EEF2K: variants seen among roughly 807,000 people sequenced by gnomAD.
EEF2K encodes the protein alternative protein EEF2K.
In EEF2K, 70 loss-of-function variants were observed where a neutral mutation model predicts 93.8. The ratio of observed to expected loss-of-function variants is 0.75; its 90% CI spans 0.62 to 0.91. The LOEUF is 0.91. Ranked by LOEUF, EEF2K falls within the 40% of genes least tolerant of loss-of-function variation. The pLI, the probability that EEF2K is intolerant of heterozygous loss-of-function variation, is 0.00. For missense variants in EEF2K, 935 were observed against 972.9 expected (o/e 0.96, Z 0.52); for synonymous variants, 376 against 380.8 (o/e 0.99, Z 0.15).
intron 2 of EEF2K, among the ~76,000 whole-genome samples, chr16:22,226,546 C>T (rs1444928851): frequency 3.7e-5 from 3 of 80,658 alleles, no homozygotes; most frequent in East Asian, 4.9e-4. Flanking sequence ...AACGTGGTCT[C>T]GCTTTGTTGC....
chr16:22,258,308 T>C (rs2047427747), intron 9 of EEF2K, among the ~76,000 whole-genome samples, 186 bp from the exon 10 acceptor site: 1 of 152,104 alleles, frequency 6.6e-6, no homozygotes, highest in Admixed American at 6.6e-5. Context: ...AGATGCCCTT[T>C]CTTGGAGGCC....
chr16:22,260,747 C>T (rs2047454932), intron 11 of EEF2K, among the ~76,000 whole-genome samples: 1 of 152,170 alleles, frequency 6.6e-6, no homozygotes, highest in Non-Finnish European at 1.5e-5. Flanking sequence ...CTTGCAGTTC[C>T]CAGAGATGGT....
intron 1 of EEF2K, among the ~76,000 whole-genome samples, chr16:22,212,387 G>A (rs552902242): frequency 4.0e-5 from 6 of 151,436 alleles, no homozygotes; most frequent in Admixed American, 6.6e-5. Context: ...GCAGTGGCAC[G>A]ATCTTGGCTC....
chr16:22,237,624 AAAAAG>A (rs1372860538), intron 2 of EEF2K, among the ~76,000 whole-genome samples: 8 of 151,888 alleles, frequency 5.3e-5, no homozygotes, highest in Middle Eastern at 3.4e-3. Flanking sequence ...TCTCAAAAAA[AAAAAG>A]AAAAGAAGAA....
At chr16:22,239,295 G>T (rs1313973408) in intron 2 of EEF2K, among the ~76,000 whole-genome samples, 1 of 152,128 alleles carries the variant, frequency 6.6e-6, no homozygotes, top group East Asian at 1.9e-4. Context: ...CACTGAATGG[G>T]GACGGTCCCT....
chr16:22,266,420 T>A lies in EEF2K; in HGVS notation c.1471T>A (p.Ser491Thr). The A allele has an allele frequency of 6.2e-7, 1 of 1,613,948 alleles. No individual in the cohort carries two copies. Among genetic ancestry groups the A allele is most frequent in the Non-Finnish European group, 8.5e-7 (1 of 1,179,962 alleles). The change falls in exon 14 of 18, where the codon TCC becomes ACC. Residue 491 changes from serine (S) to threonine (T), a missense_variant. By Grantham distance (58) the Ser-to-Thr change is moderately conservative. Coordinates refer to ENST00000263026, the MANE Select transcript of EEF2K (RefSeq NM_013302.5). ...TGTAGAGAAGTGGAATCTCCTCAAC[T>A]CCTCCCGCCTCCACCTGCCGAGGGC... Reference protein sequence around the residue: ...VCVEKWNLLNSSRLHLPRASA... With the variant: ...VCVEKWNLLNTSRLHLPRASA...
chr16:22,263,083 G>T, intron 11 of EEF2K, 27 bp from the exon 12 acceptor site: 1 of 1,606,022 alleles, frequency 6.2e-7, no homozygotes, highest in South Asian at 1.1e-5. Context: ...GGACCACCAG[G>T]ACCCTAAGGC....
In EEF2K at chr16:22,276,362, ATATT is replaced by A. The variant is rs1374268816; in HGVS notation, c.1889+2619_1889+2622del. On this transcript the variant is annotated intron_variant, in intron 16 of 17. Transcript: ENST00000263026. ...GGGTTTGGGGACACACTGGTTTTTA[ATATT>A]TATTTAGTTAAAATCTATCAAAAGT... is the stretch of plus-strand genomic sequence containing the variant. Among the ~76,000 whole-genome samples, 3 of 152,244 alleles carry A rather than the reference ATATT, an allele frequency of 2.0e-5. No homozygotes were observed. In the East Asian group the frequency reaches 5.8e-4, roughly 29 times the overall value.
chr16:22,245,007 A>G (rs2047272849), intron 3 of EEF2K, among the ~76,000 whole-genome samples: 1 of 152,062 alleles, frequency 6.6e-6, no homozygotes, highest in Non-Finnish European at 1.5e-5. Context: ...CTCACCTGTA[A>G]TCCCAGCACT....
At chr16:22,218,398 G>A (rs1474020244) in intron 1 of EEF2K, among the ~76,000 whole-genome samples, 2 of 152,290 alleles carry the variant, frequency 1.3e-5, no homozygotes, top group East Asian at 1.9e-4. Flanking sequence ...CAGGAGTGGC[G>A]GTGGGAAGAT....
At chr16:22,261,800 T>A (rs537321126) in intron 11 of EEF2K, among the ~76,000 whole-genome samples, 1 of 150,030 alleles carries the variant, frequency 6.7e-6, no homozygotes, top group Non-Finnish European at 1.5e-5. Flanking sequence ...AGGCCAGGAG[T>A]TTAAGACCAG....
chr16:22,257,789 C>T lies in EEF2K; in HGVS notation c.1029+19C>T, dbSNP rs2047421954. The T allele has an allele frequency of 6.2e-7, 1 of 1,610,866 alleles. No individual in the cohort carries two copies. The highest frequency in any genetic ancestry group is 8.5e-7 in the Non-Finnish European group (1 of 1,178,740). On this transcript the variant is annotated intron_variant, in intron 9 of 17. Transcript: ENST00000263026. ...GCTGCTGGTGGGTGCCCAGTGTGAC[C>T]CTGCTTGGCCTGGCAGGCCCTTCTG...
intron 1 of EEF2K, among the ~76,000 whole-genome samples, chr16:22,208,964 C>T (rs1171639020): frequency 2.6e-5 from 4 of 152,092 alleles, no homozygotes. Flanking sequence ...TCACTCTTTC[C>T]TTATTTGTTG....
chr16:22,258,407 T>C, intron 9 of EEF2K, 87 bp from the exon 10 acceptor site: 1 of 1,383,886 alleles, frequency 7.2e-7, no homozygotes, highest in African/African-American at 1.4e-5. Context: ...GATGAAGGGG[T>C]TTCAGGGTTA....
At chr16:22,223,836 A>T (rs1452587169) in intron 1 of EEF2K, among the ~76,000 whole-genome samples, 1 of 152,056 alleles carries the variant, frequency 6.6e-6, no homozygotes, top group African/African-American at 2.4e-5. Flanking sequence ...GAAATACTGT[A>T]ATCTGTATAA....
chr16:22,216,647 A>G (rs1291159399), intron 1 of EEF2K, among the ~76,000 whole-genome samples: 1 of 151,982 alleles, frequency 6.6e-6, no homozygotes, highest in Non-Finnish European at 1.5e-5. Flanking sequence ...TAATCTCAAC[A>G]TTTTGGGAGG....
chr16:22,265,811 G>A (rs1315830507), intron 13 of EEF2K, among the ~76,000 whole-genome samples: 1 of 152,212 alleles, frequency 6.6e-6, no homozygotes, highest in Non-Finnish European at 1.5e-5. Flanking sequence ...ATTTCCTACA[G>A]CAACCTGCTG....
chr16:22,267,674 G>A lies in EEF2K; in HGVS notation c.1764+798G>A, dbSNP rs567150229. On this transcript the variant is annotated intron_variant, in intron 15 of 17. Coordinates refer to ENST00000263026, the MANE Select transcript of EEF2K (RefSeq NM_013302.5). ...GAGTGAGCCAGGCCAAGTGGGGGAG[G>A]TGAGCAGCTCAGGTAGAAGGAACAG... Among the ~76,000 whole-genome samples the A allele has an allele frequency of 1.1e-4, 17 of 152,248 alleles. No homozygotes were observed. In the East Asian group the frequency reaches 2.9e-3, roughly 26 times the overall value.
In EEF2K at chr16:22,257,768, C is replaced by CT; in HGVS notation, c.1028dup (p.Gln344AlafsTer74). ...TGCAGTGAATCAGAACACCAAGCTG[C>CT]TGGTGGGTGCCCAGTGTGACCCTGC... On this transcript the variant is annotated frameshift_variant and splice_region_variant, in exon 9 of 18. Transcript: ENST00000263026. LOFTEE classifies it high-confidence loss of function. The CT allele has an allele frequency of 6.2e-7, 1 of 1,613,422 alleles. No homozygotes were observed. Among genetic ancestry groups the CT allele is most frequent in the Non-Finnish European group, 8.5e-7 (1 of 1,179,904 alleles).
Sources: allele counts gnomAD v4.1 joint callset (sites outside exome capture counted in the v4.1 genomes callset), GRCh38; gene constraint gnomAD v4.1.1; transcripts MANE v1.5; gene names NCBI Gene and HGNC (gene_info 2026-07-23, HGNC 2026-07-21).